Variants in MTUS2 observed in about 807,000 individuals in gnomAD.
MTUS2 encodes the protein microtubule associated scaffold protein 2.
Under a neutral mutation model 114.1 loss-of-function variants are expected in MTUS2, and 40 were observed. The observed-to-expected ratio is 0.35, with a 90% CI of 0.27 to 0.46. MTUS2 has a LOEUF of 0.46. Among genes scored for constraint, MTUS2 ranks in the 20% least tolerant of loss-of-function variants. The probability of loss-of-function intolerance (pLI) is 1.00; values close to 1 mark genes in which losing one functional copy is unlikely to be tolerated. For missense variants in MTUS2, 1,679 were observed against 1,705.4 expected, an observed-to-expected ratio of 0.98 and a Z score of 0.27; for synonymous variants, 688 against 672.0, an observed-to-expected ratio of 1.02 and a Z score of -0.37.
In MTUS2 at chr13:29,301,137, G is replaced by A. The variant is rs147244940; in HGVS notation, c.2806+19272G>A. On this transcript the variant is annotated intron_variant, in intron 6 of 15. Coordinates refer to ENST00000612955, the MANE Select transcript of MTUS2 (RefSeq NM_001033602.4). ...AACCAGCCTAGCTGATGTGAGGGAT[G>A]AGGGGAAAGCCCTCCAGCTTGCCCC... 2.9e-3 allele frequency among the ~76,000 whole-genome samples: 440 copies of A among 152,314 alleles called. 2 individuals are homozygous for A. The highest frequency in any genetic ancestry group is 4.9e-3 in the Non-Finnish European group (336 of 68,032).
At chr13:29,138,357 A>C (rs1356307854) in intron 5 of MTUS2, among the ~76,000 whole-genome samples, 2 of 151,862 alleles carry the variant, frequency 1.3e-5, no homozygotes, top group African/African-American at 4.8e-5. Flanking sequence ...GTGGGGAGGC[A>C]GATTTCCTGT....
intron 2 of MTUS2, among the ~76,000 whole-genome samples, chr13:28,882,659 C>A (rs1270326294): frequency 2.0e-5 from 3 of 152,100 alleles, no homozygotes; most frequent in Non-Finnish European, 4.4e-5. Flanking sequence ...CTCACTTGAG[C>A]CCAGGAGTTT....
chr13:28,906,102 C>A (rs1465958823), intron 2 of MTUS2, among the ~76,000 whole-genome samples: 1 of 151,198 alleles, frequency 6.6e-6, no homozygotes, highest in East Asian at 1.9e-4. Context: ...GTGGTGATAT[C>A]CCCTTTATTA....
chr13:29,289,654 A>T (rs1236757518), intron 6 of MTUS2, among the ~76,000 whole-genome samples: 1 of 151,678 alleles, frequency 6.6e-6, no homozygotes, highest in Non-Finnish European at 1.5e-5. Context: ...TTTAGTAGAG[A>T]CAGGGTTTCG....
chr13:28,909,223 G>A, intron 2 of MTUS2, among the ~76,000 whole-genome samples: 1 of 151,448 alleles, frequency 6.6e-6, no homozygotes, highest in Non-Finnish European at 1.5e-5. Flanking sequence ...CCAATTCTGT[G>A]TAGCAAGTCA....
intron 7 of MTUS2, among the ~76,000 whole-genome samples, chr13:29,343,386 G>T (rs1383413748): frequency 6.6e-6 from 1 of 151,960 alleles, no homozygotes; most frequent in African/African-American, 2.4e-5. Context: ...ATCTAGGAAG[G>T]TTGTATATTT....
chr13:29,336,250 G>A (rs1425870499), intron 7 of MTUS2, among the ~76,000 whole-genome samples: 1 of 152,078 alleles, frequency 6.6e-6, no homozygotes, highest in Non-Finnish European at 1.5e-5. Context: ...CAGCCTTTTT[G>A]TGCTAGTTTT....
chr13:28,908,793 G>T (rs968580724), intron 2 of MTUS2, among the ~76,000 whole-genome samples: 7 of 151,524 alleles, frequency 4.6e-5, no homozygotes, highest in Admixed American at 2.0e-4. Flanking sequence ...GTATTGCCTA[G>T]GTTTTCTTCT....
At chr13:29,501,737 C>T (rs1882917271) in intron 15 of MTUS2, among the ~76,000 whole-genome samples, 1 of 152,204 alleles carries the variant, frequency 6.6e-6, no homozygotes, top group Non-Finnish European at 1.5e-5. Flanking sequence ...CAGGCCTGAA[C>T]CCTTGCCCAC....
intron 4 of MTUS2, among the ~76,000 whole-genome samples, chr13:29,045,582 G>A (rs1197269794): frequency 2.0e-5 from 3 of 152,204 alleles, no homozygotes; most frequent in Non-Finnish European, 2.9e-5. Flanking sequence ...GCCACCACAG[G>A]TGGAGGTGGA....
At chr13:29,191,567 G>A (rs1160837491) in intron 5 of MTUS2, among the ~76,000 whole-genome samples, 2 of 152,044 alleles carry the variant, frequency 1.3e-5, no homozygotes, top group Non-Finnish European at 2.9e-5. Flanking sequence ...AGATGGGCTG[G>A]GGAACATGGG....
At chr13:29,112,985 G>T (rs1421275706) in intron 5 of MTUS2, among the ~76,000 whole-genome samples, 2 of 152,152 alleles carry the variant, frequency 1.3e-5, no homozygotes, top group African/African-American at 4.8e-5. Context: ...TGGGGGAATT[G>T]CAGAGTTGCA....
intron 2 of MTUS2, among the ~76,000 whole-genome samples, chr13:28,991,747 C>T (rs1252410271): frequency 6.6e-6 from 1 of 152,138 alleles, no homozygotes; most frequent in African/African-American, 2.4e-5. Context: ...GAGCTTTAAA[C>T]CTGGCTACTT....
intron 5 of MTUS2, among the ~76,000 whole-genome samples, chr13:29,175,277 G>A (rs1446962276): frequency 6.6e-6 from 1 of 151,950 alleles, no homozygotes; most frequent in Admixed American, 6.6e-5. Flanking sequence ...AAAGACTAGT[G>A]GACAATAAAA....
At chr13:29,238,172 G>A (rs1896605675) in intron 5 of MTUS2, among the ~76,000 whole-genome samples, 1 of 152,162 alleles carries the variant, frequency 6.6e-6, no homozygotes, top group African/African-American at 2.4e-5. Context: ...AATGTCCATT[G>A]ACAGATACGT....
At chr13:28,933,796 G>A (rs962119168) in intron 2 of MTUS2, among the ~76,000 whole-genome samples, 10 of 152,160 alleles carry the variant, frequency 6.6e-5, no homozygotes, top group African/African-American at 1.2e-4. Flanking sequence ...ACAATTGTCC[G>A]TTCCAGAGAC....
intron 5 of MTUS2, among the ~76,000 whole-genome samples, chr13:29,188,050 T>G (rs889462071): frequency 5.0e-4 from 76 of 152,328 alleles, no homozygotes; most frequent in African/African-American, 1.8e-3. Flanking sequence ...TTTCAAAAAT[T>G]ATAAATTACT....
chr13:29,013,408 T>A (rs1885933670), intron 2 of MTUS2, among the ~76,000 whole-genome samples: 1 of 152,218 alleles, frequency 6.6e-6, no homozygotes, highest in South Asian at 2.1e-4. Flanking sequence ...TTAAAAAAAT[T>A]GCCTTCCTTC....
intron 9 of MTUS2, among the ~76,000 whole-genome samples, chr13:29,443,704 A>G (rs748526726): frequency 6.6e-6 from 1 of 152,252 alleles, no homozygotes; most frequent in Non-Finnish European, 1.5e-5. Flanking sequence ...TCTGGCTTCT[A>G]GACATGCAGT....
Sources: allele counts gnomAD v4.1 joint callset (sites outside exome capture counted in the v4.1 genomes callset), GRCh38; gene constraint gnomAD v4.1.1; transcripts MANE v1.5; gene names NCBI Gene and HGNC (gene_info 2026-07-23, HGNC 2026-07-21).